Variants in MAF observed in about 807,000 individuals in gnomAD.
MAF encodes the protein MAF bZIP transcription factor.
Under a neutral mutation model 22.0 loss-of-function variants are expected in MAF, and 10 were observed. The observed-to-expected ratio is 0.45, with a 90% CI of 0.28 to 0.77. MAF has a LOEUF of 0.77. Ranked by LOEUF, MAF falls within the 30% of genes least tolerant of loss-of-function variation. The pLI is 0.12. For synonymous variants in MAF, 337 were observed against 255.8 expected (o/e 1.32, Z -3.03); for missense variants, 544 against 548.4 (o/e 0.99, Z 0.08).
chr16:79,547,898 G>GAGAGAGAGAGAGAGAGAC, the MAF span, among the ~76,000 whole-genome samples: 2 of 133,990 alleles, frequency 1.5e-5, no homozygotes, highest in Non-Finnish European at 3.2e-5. Flanking sequence ...GTGTGTGTGT[G>GAGAGAGAGAGAGAGAGAC]TGTGAGAGAG....
At chr16:79,533,446 A>G in the MAF span, among the ~76,000 whole-genome samples, 2 of 152,190 alleles carry the variant, frequency 1.3e-5, no homozygotes, top group Non-Finnish European at 2.9e-5. Context: ...CTAAACCCCA[A>G]TAAGAAGGGT....
the MAF span, among the ~76,000 whole-genome samples, chr16:79,209,031 C>A: frequency 2.0e-5 from 3 of 152,092 alleles, no homozygotes; most frequent in Non-Finnish European, 2.9e-5. Context: ...TTTCGGGTGC[C>A]CCTCCTGTGT....
At chr16:79,475,669 T>C in the MAF span, among the ~76,000 whole-genome samples, 4 of 152,216 alleles carry the variant, frequency 2.6e-5, no homozygotes, top group East Asian at 1.9e-4. Flanking sequence ...TTGTCAAAAT[T>C]GGGCAGCTAA....
chr16:79,395,490 A>G, the MAF span, among the ~76,000 whole-genome samples: 3 of 152,274 alleles, frequency 2.0e-5, no homozygotes, highest in African/African-American at 7.2e-5. Context: ...GTGGGTCCTA[A>G]TCTCAACACA....
At chr16:79,457,971 C>T in the MAF span, among the ~76,000 whole-genome samples, 1 of 152,092 alleles carries the variant, frequency 6.6e-6, no homozygotes, top group Non-Finnish European at 1.5e-5. Context: ...TTAAAAGAAA[C>T]TCACAACCTT....
At chr16:79,352,687 C>G in the MAF span, among the ~76,000 whole-genome samples, 1 of 152,148 alleles carries the variant, frequency 6.6e-6, no homozygotes, top group Non-Finnish European at 1.5e-5. Context: ...GGCTTTCAAC[C>G]AAACCAACAG....
chr16:79,320,945 G>C, the MAF span, among the ~76,000 whole-genome samples: 1 of 152,320 alleles, frequency 6.6e-6, no homozygotes, highest in African/African-American at 2.4e-5. Flanking sequence ...TCACAGTCCA[G>C]TAAATGAAGA....
At chr16:79,213,331 T>A in the MAF span, among the ~76,000 whole-genome samples, 2 of 152,192 alleles carry the variant, frequency 1.3e-5, no homozygotes, top group African/African-American at 4.8e-5. Flanking sequence ...CAGTGGCCCA[T>A]AGCCTTGCCA....
chr16:79,595,656 C>T, intron 1 of MAF: 1 of 1,057,616 alleles, frequency 9.5e-7, no homozygotes, highest in African/African-American at 1.6e-5. Flanking sequence ...TTTAAGTCAG[C>T]CCCCATACAC....
the MAF span, among the ~76,000 whole-genome samples, chr16:79,278,281 T>G: frequency 6.6e-6 from 1 of 152,216 alleles, no homozygotes; most frequent in Non-Finnish European, 1.5e-5. Context: ...TAGCAAAATC[T>G]TTAGTTGCAT....
the MAF span, among the ~76,000 whole-genome samples, chr16:79,207,166 C>CAGCTCTCTGATAAATGT: frequency 6.6e-6 from 1 of 152,208 alleles, no homozygotes; most frequent in African/African-American, 2.4e-5. Flanking sequence ...TCCACCGCAG[C>CAGCTCTCTGATAAATGT]AGCTCTCTGA....
At chr16:79,598,702 T>C (rs1913750593) in intron 1 of MAF, 83 bp downstream of exon 1, 2 of 1,591,382 alleles carry the variant, frequency 1.3e-6, no homozygotes, top group Non-Finnish European at 1.7e-6. Context: ...AGCATGGCTC[T>C]AGAACTAGCA....
At chr16:79,260,216 T>G in the MAF span, among the ~76,000 whole-genome samples, 1 of 152,188 alleles carries the variant, frequency 6.6e-6, no homozygotes, top group Non-Finnish European at 1.5e-5. Context: ...AGTGGTGCAG[T>G]CGTGGCTTAC....
chr16:79,556,983 TAA>T, the MAF span, among the ~76,000 whole-genome samples: 4,439 of 146,036 alleles, frequency 0.03, 116 homozygotes, highest in African/African-American at 0.063. Context: ...CAACAAGCTT[TAA>T]AAAAAAAAAA....
At chr16:79,538,756 G>A in the MAF span, among the ~76,000 whole-genome samples, 3 of 151,876 alleles carry the variant, frequency 2.0e-5, no homozygotes, top group South Asian at 4.2e-4. Flanking sequence ...AACCAAGGAG[G>A]TGGAGGTTGC....
chr16:79,404,013 C>T, the MAF span, among the ~76,000 whole-genome samples: 1 of 152,168 alleles, frequency 6.6e-6, no homozygotes, highest in African/African-American at 2.4e-5. Flanking sequence ...GTGGACCATG[C>T]ATCACCACGT....
the MAF span, among the ~76,000 whole-genome samples, chr16:79,364,779 G>A: frequency 8.5e-5 from 13 of 152,196 alleles, no homozygotes; most frequent in African/African-American, 3.1e-4. Context: ...GGATCTTCCC[G>A]TGTTAGACCC....
chr16:79,317,113 T>G, the MAF span, among the ~76,000 whole-genome samples: 1 of 151,336 alleles, frequency 6.6e-6, no homozygotes, highest in Non-Finnish European at 1.5e-5. Context: ...TCCATTTTCC[T>G]TCCCTCTCTG....
At chr16:79,596,066 T>C (rs1913504356) in intron 1 of MAF, 5 of 1,062,256 alleles carry the variant, frequency 4.7e-6, no homozygotes, top group Non-Finnish European at 5.7e-6. Context: ...GCTGTTTCTC[T>C]TTACCGTTCA....
Sources: gnomAD v4.1 joint callset for allele counts (sites outside exome capture counted in the v4.1 genomes callset) on GRCh38, gnomAD v4.1.1 for gene constraint, MANE v1.5 for transcripts, NCBI Gene and HGNC (gene_info 2026-07-23, HGNC 2026-07-21) for gene names.